The following KBTBD12 variants were observed in gnomAD, a reference collection of about 807,000 sequenced individuals.
KBTBD12 encodes the protein kelch repeat and BTB domain containing 12.
Under a neutral mutation model 58.7 loss-of-function variants are expected in KBTBD12, and 53 were observed. The ratio of observed to expected loss-of-function variants is 0.90; its 90% CI spans 0.72 to 1.14. The LOEUF is 1.14. Ranked by LOEUF, KBTBD12 falls within the 50% of genes most tolerant of loss-of-function variation. The pLI is 0.00. For synonymous variants in KBTBD12, 236 were observed against 259.8 expected (o/e 0.91, Z 0.88); for missense variants, 704 against 751.3 (o/e 0.94, Z 0.74).
chr3:127,949,748 CTTGAAA>C (rs1940165046), intron 4 of KBTBD12, among the ~76,000 whole-genome samples: 1 of 152,148 alleles, frequency 6.6e-6, no homozygotes, highest in Non-Finnish European at 1.5e-5. Flanking sequence ...GTAGCTAGGT[CTTGAAA>C]TTCCTGCTTT....
At chr3:127,957,418 C>G (rs889818191) in intron 4 of KBTBD12, among the ~76,000 whole-genome samples, 1 of 152,186 alleles carries the variant, frequency 6.6e-6, no homozygotes, top group East Asian at 1.9e-4. Context: ...TGACTAATAG[C>G]TCTTTGCAGG....
At position 127,984,631 on chromosome 3, in the gene KBTBD12, G is replaced by C. The variant is rs2107619798; in HGVS notation, c.*353G>C. The C allele has an allele frequency of 5.6e-6, 1 of 179,172 alleles. No homozygotes were observed. The highest frequency in any genetic ancestry group is 1.5e-4 in the South Asian group (1 of 6,852). 11.1% of individuals were successfully genotyped at this position (179,172 alleles called of 1,614,324 possible). A position where few individuals can be genotyped will look rare whatever the true frequency, so the allele number is the denominator to read the frequency against. The stretch of plus-strand genomic sequence containing the variant: ...GTCCCCAAAAGGATGAGGAGGAAGT[G>C]GTCCCATGGGTGCAGTCAATGATGA... On this transcript the variant is annotated 3_prime_UTR_variant, in exon 6 of 6. Coordinates refer to ENST00000405109, the MANE Select transcript of KBTBD12 (RefSeq NM_207335.4).
chr3:127,938,818 C>T (rs1039648206), intron 4 of KBTBD12, among the ~76,000 whole-genome samples: 1 of 152,166 alleles, frequency 6.6e-6, no homozygotes, highest in African/African-American at 2.4e-5. Context: ...AGTAAGCACA[C>T]TTCACGTTCT....
At chr3:127,918,408 G>C (rs944497813) in intron 1 of KBTBD12, among the ~76,000 whole-genome samples, 21 of 152,120 alleles carry the variant, frequency 1.4e-4, no homozygotes, top group African/African-American at 5.1e-4. Flanking sequence ...AGATTTACAC[G>C]TGTAAAGACA....
chr3:127,941,831 C>G (rs548619872), intron 4 of KBTBD12, among the ~76,000 whole-genome samples: 3 of 152,250 alleles, frequency 2.0e-5, no homozygotes, highest in African/African-American at 7.2e-5. Context: ...AACTCCTGAT[C>G]TGAAGTGATC....
At chr3:127,918,089 G>T (rs1576366848) in intron 1 of KBTBD12, among the ~76,000 whole-genome samples, 1 of 152,148 alleles carries the variant, frequency 6.6e-6, no homozygotes, top group Admixed American at 6.5e-5. Context: ...GCATGTAGTG[G>T]TGCAGCTACA....
intron 4 of KBTBD12, among the ~76,000 whole-genome samples, chr3:127,935,816 A>G (rs1310217716): frequency 6.6e-6 from 1 of 152,184 alleles, no homozygotes; most frequent in African/African-American, 2.4e-5. Context: ...AAAATCAAAT[A>G]TATGCTCTCT....
chr3:127,923,132 T>G lies in KBTBD12; in HGVS notation c.71T>G (p.Met24Arg), dbSNP rs1236181800. 6.2e-7 allele frequency: 1 copy of G among 1,612,638 alleles called. No homozygotes were observed. Among genetic ancestry groups the G allele is most frequent in the South Asian group, 1.1e-5 (1 of 91,020 alleles). Residue 24 changes from methionine (M) to arginine (R), a missense_variant, in exon 2 of 6, where the codon ATG becomes AGG. By Grantham distance (91) the Met-to-Arg change is moderately conservative. Transcript: ENST00000405109. Reference sequence around the variant, plus strand: ...AATTTACTGAATAAAATTCAGAACATGAAAGAATTAGCAGAAATGATTGAT... The same window carrying G: ...AATTTACTGAATAAAATTCAGAACAGGAAAGAATTAGCAGAAATGATTGAT... ...SLNLLNKIQN[M>R]KELAEMIDVV...
Position 127,930,253 on chromosome 3 carries a change from G to A in KBTBD12, c.1462G>A (p.Ala488Thr). 3 of 1,611,668 alleles carry A rather than the reference G, an allele frequency of 1.9e-6. No homozygotes were observed. Among genetic ancestry groups the A allele is most frequent in the Non-Finnish European group, 2.5e-6 (3 of 1,178,772 alleles). Reference sequence around the variant, plus strand: ...GTACTCTAAGTACCGATTCAGTACAGCTGTAGTCAACAGTGAGATTTATGT... The same window carrying A: ...GTACTCTAAGTACCGATTCAGTACAACTGTAGTCAACAGTGAGATTTATGT... ...MKYSKYRFST[A>T]VVNSEIYVLG... The change falls in exon 4 of 6, where the codon GCT becomes ACT. Residue 488 changes from alanine (A) to threonine (T), a missense_variant. Physicochemically the swap from Ala to Thr is moderately conservative, Grantham distance 58. Transcript: ENST00000405109.
At chr3:127,954,740 C>T (rs1220179821) in intron 4 of KBTBD12, among the ~76,000 whole-genome samples, 1 of 152,196 alleles carries the variant, frequency 6.6e-6, no homozygotes, top group African/African-American at 2.4e-5. Context: ...GCAGCCTCAG[C>T]TCCTCCTGCC....
intron 5 of KBTBD12, among the ~76,000 whole-genome samples, chr3:127,974,574 C>T (rs16839633): frequency 0.21 from 32,270 of 152,134 alleles, 5,479 homozygotes; most frequent in African/African-American, 0.46. Flanking sequence ...ATCCTGGAGA[C>T]TCACCACATT....
At position 127,924,031 on chromosome 3, in the gene KBTBD12, T is replaced by G. The variant is rs778637057; in HGVS notation, c.970T>G (p.Cys324Gly). 10 of 1,613,680 alleles carry G rather than the reference T, an allele frequency of 6.2e-6. No homozygotes were observed. In the East Asian group the frequency reaches 1.8e-4, roughly 29 times the overall value. The stretch of plus-strand genomic sequence containing the variant: ...GTACGGAGAGGGTTTAGGAACTGTG[T>G]GTACTGGTGTTGTCATGGAAAATAA... Reference protein sequence around the residue: ...PKYGEGLGTVCTGVVMENNTI... With the variant: ...PKYGEGLGTVGTGVVMENNTI... The change falls in exon 2 of 6, where the codon TGT (cysteine) becomes GGT (glycine). Residue 324 changes from cysteine to glycine, a missense_variant. Cys to Gly is a radical substitution (Grantham distance 159). Coordinates refer to ENST00000405109, the MANE Select transcript of KBTBD12 (RefSeq NM_207335.4).
At position 127,929,702 on chromosome 3, in the gene KBTBD12, G is replaced by C. The variant is rs549858046; in HGVS notation, c.1342-431G>C. On this transcript the variant is annotated intron_variant, in intron 3 of 5. Transcript: ENST00000405109. The stretch of plus-strand genomic sequence containing the variant: ...TGGCAACTTTGTTTCATGTGGATTA[G>C]AAAAATATAAAGAAAATGCCTTCTA... 1.9e-3 allele frequency among the ~76,000 whole-genome samples: 286 copies of C among 152,152 alleles called. 1 individual carries two copies. Among genetic ancestry groups the C allele is most frequent in the Middle Eastern group, 6.8e-3 (2 of 294 alleles).
chr3:127,930,357 C>T lies in KBTBD12; in HGVS notation c.1492+74C>T, dbSNP rs1395559136. On this transcript the variant is annotated intron_variant, in intron 4 of 5. Coordinates refer to ENST00000405109, the MANE Select transcript of KBTBD12 (RefSeq NM_207335.4). ...GCAGTTTGCCTCAGCAAAAATGAAA[C>T]GTTCTCCTTTGCACTTGTATTCCAG... 104 of 1,343,346 alleles carry T rather than the reference C, an allele frequency of 7.7e-5. 1 individual carries two copies. In the South Asian group the frequency reaches 8.2e-4, roughly 11 times the overall value. The allele number at this position is 1,343,346 out of a possible 1,614,324, so 83.2% of individuals were successfully genotyped here. A position where few individuals can be genotyped will look rare whatever the true frequency, so the allele number is the denominator to read the frequency against.
rs1939610437 is a variant in KBTBD12 at position 127,927,801 on chromosome 3, T to C, written c.1108T>C (p.Cys370Arg). ...DRGNQFWEKL[C>R]TAEFRELYAL... Reference sequence around the variant, plus strand: ...AGGAAACCAGTTTTGGGAAAAGTTATGCACAGCTGAATTTCGAGAACTCTA... The same window carrying C: ...AGGAAACCAGTTTTGGGAAAAGTTACGCACAGCTGAATTTCGAGAACTCTA... Residue 370 changes from cysteine (C) to arginine (R), a missense_variant, in exon 3 of 6, where the codon TGC becomes CGC. Cys to Arg is a radical substitution (Grantham distance 180). Coordinates refer to ENST00000405109, the MANE Select transcript of KBTBD12 (RefSeq NM_207335.4). 6.3e-7 allele frequency: 1 copy of C among 1,582,646 alleles called. No homozygotes were observed.
intron 5 of KBTBD12, among the ~76,000 whole-genome samples, chr3:127,976,697 A>G (rs1322083559): frequency 6.6e-6 from 1 of 152,170 alleles, no homozygotes; most frequent in Non-Finnish European, 1.5e-5. Flanking sequence ...AAAACCATGC[A>G]GTTCACTTTT....
At position 127,923,196 on chromosome 3, in the gene KBTBD12, C is replaced by T; in HGVS notation, c.135C>T (p.His45=). Residue 45 remains histidine, a synonymous_variant, in exon 2 of 6, where the codon CAC becomes CAT. Transcript: ENST00000405109. ...LTAEGEKFPC[H]RLVLAAFSPY... is the part of the protein sequence containing the mutation. ...CAGAAGGAGAGAAATTTCCTTGCCA[C>T]AGACTGGTCCTGGCTGCATTTAGCC... 6.2e-7 allele frequency: 1 copy of T among 1,613,852 alleles called. No homozygotes were observed. Among genetic ancestry groups the T allele is most frequent in the Non-Finnish European group, 8.5e-7 (1 of 1,179,764 alleles).
At position 127,984,225 on chromosome 3, in the gene KBTBD12, C is replaced by G. The variant is rs529486685; in HGVS notation, c.1819C>G (p.Arg607Gly). ...CTGCCTAGTAGCCAGGATGAATCCCCGAGACCTCATCCCCCCGCCTTCAGA... is the reference window on the plus strand; with the variant it reads ...CTGCCTAGTAGCCAGGATGAATCCCGGAGACCTCATCCCCCCGCCTTCAGA... ...DVCLVARMNP[R>G]DLIPPPSDLV... Residue 607 changes from arginine (R) to glycine (G), a missense_variant, in exon 6 of 6, where the codon CGA becomes GGA. Arg to Gly is a moderately radical substitution (Grantham distance 125). Coordinates refer to ENST00000405109, the MANE Select transcript of KBTBD12 (RefSeq NM_207335.4). 3 of 1,613,966 alleles carry G rather than the reference C, an allele frequency of 1.9e-6. No individual in the cohort carries two copies. The highest frequency in any genetic ancestry group is 1.6e-4 in the Middle Eastern group (1 of 6,062).
At chr3:127,955,919 A>T (rs935665763) in intron 4 of KBTBD12, among the ~76,000 whole-genome samples, 3 of 152,216 alleles carry the variant, frequency 2.0e-5, no homozygotes, top group African/African-American at 7.2e-5. Flanking sequence ...CCTGGCACTG[A>T]TAAGCCAGAA....
Sources: gnomAD v4.1 joint callset for allele counts (sites outside exome capture counted in the v4.1 genomes callset) on GRCh38, gnomAD v4.1.1 for gene constraint, MANE v1.5 for transcripts, NCBI Gene and HGNC (gene_info 2026-07-23, HGNC 2026-07-21) for gene names.